TRIM9: variants seen among roughly 807,000 people sequenced by gnomAD.
The protein encoded by TRIM9 is tripartite motif containing 9.
A neutral mutation model predicts 78.3 loss-of-function variants in TRIM9; 26 were observed. The ratio of observed to expected loss-of-function variants is 0.33; its 90% CI spans 0.24 to 0.46. TRIM9 has a LOEUF of 0.46. Among genes scored for constraint, TRIM9 ranks in the 20% least tolerant of loss-of-function variants. The pLI is 1.00. For missense variants in TRIM9, 787 were observed against 1,036.4 expected, an observed-to-expected ratio of 0.76 and a Z score of 3.30; for synonymous variants, 398 against 416.5, an observed-to-expected ratio of 0.96 and a Z score of 0.54.
chr14:51,033,447 ACACTTT>A (rs2058898369), intron 1 of TRIM9, among the ~76,000 whole-genome samples: 1 of 152,206 alleles, frequency 6.6e-6, no homozygotes, highest in South Asian at 2.1e-4. Context: ...AATCACGAAA[ACACTTT>A]TGTCATACCA....
At chr14:51,090,655 G>A (rs189541388) in intron 1 of TRIM9, 1 of 152,290 alleles carries the variant, frequency 6.6e-6, no homozygotes, top group East Asian at 1.9e-4. Flanking sequence ...ACAGTGCAGT[G>A]GTGAGATCCT....
intron 5 of TRIM9, among the ~76,000 whole-genome samples, chr14:51,004,913 C>T (rs548889014): frequency 1.1e-4 from 16 of 152,258 alleles, no homozygotes; most frequent in Non-Finnish European, 2.9e-5. Flanking sequence ...AATAAAGATT[C>T]CCCAAATAAA....
At chr14:51,014,593 C>T (rs1482262883) in intron 3 of TRIM9, among the ~76,000 whole-genome samples, 1 of 152,180 alleles carries the variant, frequency 6.6e-6, no homozygotes, top group African/African-American at 2.4e-5. Context: ...CAAGATTTCC[C>T]ACATTATAGA....
chr14:50,982,254 G>A (rs769616120), intron 10 of TRIM9, 151 bp from the exon 11 acceptor site: 10 of 800,738 alleles, frequency 1.2e-5, no homozygotes, highest in East Asian at 5.4e-5. Context: ...ACAGGGGCAC[G>A]TCCTGGGAGT....
chr14:51,047,710 A>G (rs1407961803), intron 1 of TRIM9, among the ~76,000 whole-genome samples: 3 of 152,222 alleles, frequency 2.0e-5, no homozygotes, highest in Admixed American at 6.5e-5. Context: ...CAGGTAAAAA[A>G]GAATATGGCC....
chr14:50,981,954 C>A lies in TRIM9; in HGVS notation c.2008G>T (p.Val670Leu), dbSNP rs1396855213. 1 of 1,614,080 alleles carries A rather than the reference C, an allele frequency of 6.2e-7. No homozygotes were observed. The highest frequency in any genetic ancestry group is 2.2e-5 in the East Asian group (1 of 44,894). ...SKGIHYWELT[V>L]DRYDNHPDPA... The stretch of plus-strand genomic sequence containing the variant: ...TCAGGGTGGTTGTCATAGCGATCTA[C>A]CGTGAGCTCCCAGTAGTGGATGCCC... Residue 670 changes from valine to leucine, a missense_variant, in exon 11 of 13, where the codon GTA (valine) becomes TTA (leucine). Around this residue, in one of 3 missense-constraint regions of TRIM9, gnomAD observed 421 missense variants for 514.3 expected, o/e 0.82. Transcript: ENST00000684578.
intron 3 of TRIM9, among the ~76,000 whole-genome samples, chr14:51,014,027 A>G (rs775735428): frequency 2.0e-5 from 3 of 152,226 alleles, no homozygotes; most frequent in Admixed American, 1.3e-4. Flanking sequence ...GACTACAGGT[A>G]CTGGAAGTCC....
intron 1 of TRIM9, among the ~76,000 whole-genome samples, chr14:51,083,556 T>G (rs1566649149): frequency 2.0e-5 from 3 of 152,184 alleles, no homozygotes; most frequent in African/African-American, 7.2e-5. Context: ...ATCCTTAGTT[T>G]TAAAATACTT....
intron 6 of TRIM9, among the ~76,000 whole-genome samples, chr14:51,000,306 A>G (rs1056768453): frequency 6.6e-6 from 1 of 152,138 alleles, no homozygotes; most frequent in African/African-American, 2.4e-5. Flanking sequence ...TATCTAATGG[A>G]CTCTTAGCAA....
chr14:51,019,740 A>G (rs2057567577), intron 3 of TRIM9, among the ~76,000 whole-genome samples: 1 of 152,206 alleles, frequency 6.6e-6, no homozygotes, highest in African/African-American at 2.4e-5. Flanking sequence ...CCTATGAGGT[A>G]CCACTTCCAG....
intron 8 of TRIM9, among the ~76,000 whole-genome samples, chr14:50,984,893 T>C (rs999167526): frequency 1.3e-5 from 2 of 152,154 alleles, no homozygotes; most frequent in Admixed American, 1.3e-4. Flanking sequence ...TGGGAAGCCA[T>C]AGTGCACAGA....
At chr14:50,992,527 C>G (rs11157787) in intron 7 of TRIM9, among the ~76,000 whole-genome samples, 1 of 151,794 alleles carries the variant, frequency 6.6e-6, no homozygotes, top group Non-Finnish European at 1.5e-5. Flanking sequence ...GAGCCACGAT[C>G]GTGACACTGC....
At chr14:51,061,221 T>C (rs1170451496) in intron 1 of TRIM9, among the ~76,000 whole-genome samples, 1 of 152,116 alleles carries the variant, frequency 6.6e-6, no homozygotes, top group African/African-American at 2.4e-5. Context: ...GAGACCAGCC[T>C]GGCCAACCTA....
chr14:50,994,988 C>T (rs1027751685), intron 7 of TRIM9, among the ~76,000 whole-genome samples: 2 of 152,118 alleles, frequency 1.3e-5, no homozygotes, highest in South Asian at 2.1e-4. Flanking sequence ...CACACTTGGA[C>T]TCATATAATA....
intron 3 of TRIM9, among the ~76,000 whole-genome samples, chr14:51,014,918 C>A (rs2056992427): frequency 6.6e-6 from 1 of 152,148 alleles, no homozygotes; most frequent in Non-Finnish European, 1.5e-5. Flanking sequence ...AGGAAGGACA[C>A]AAACAGGGCC....
intron 1 of TRIM9, among the ~76,000 whole-genome samples, chr14:51,029,233 C>T (rs942864342): frequency 3.3e-5 from 5 of 152,286 alleles, no homozygotes; most frequent in Middle Eastern, 3.4e-3. Flanking sequence ...TCTGAAGTTA[C>T]AGGCACAGGA....
intron 1 of TRIM9, among the ~76,000 whole-genome samples, chr14:51,062,713 C>A (rs1321540480): frequency 6.6e-6 from 1 of 152,140 alleles, no homozygotes; most frequent in Non-Finnish European, 1.5e-5. Flanking sequence ...TCCTTGAAAT[C>A]TGTATTTAAA....
chr14:51,049,424 G>A lies in TRIM9; in HGVS notation c.823-24064C>T, dbSNP rs560247060. On this transcript the variant is annotated intron_variant, in intron 1 of 12. Transcript: ENST00000684578. Reference sequence around the variant, plus strand: ...TCCTTTCAGGCACATCTACTACAGGGCTGCCACGATTGCTCAGCACAACTC... The same window carrying A: ...TCCTTTCAGGCACATCTACTACAGGACTGCCACGATTGCTCAGCACAACTC... Among the ~76,000 whole-genome samples the A allele has an allele frequency of 4.6e-5, 7 of 152,264 alleles. No individual in the cohort carries two copies. The East Asian group carries it at 1.3e-3, about 29-fold the overall frequency.
At chr14:50,990,295 G>A (rs9944148) in intron 7 of TRIM9, among the ~76,000 whole-genome samples, 38,540 of 152,066 alleles carry the variant, frequency 0.25, 5,035 homozygotes, top group Non-Finnish European at 0.28. Flanking sequence ...GAGATTACAG[G>A]CATGAGCCAT....
Sources: allele counts gnomAD v4.1 joint callset (sites outside exome capture counted in the v4.1 genomes callset), GRCh38; gene constraint gnomAD v4.1.1; regional missense constraint gnomAD v4.1.1; transcripts MANE v1.5; gene names NCBI Gene and HGNC (gene_info 2026-07-23, HGNC 2026-07-21).